PSD3: variants seen among roughly 807,000 people sequenced by gnomAD.
The protein encoded by PSD3 is pleckstrin and Sec7 domain containing 3.
A neutral mutation model predicts 105.5 loss-of-function variants in PSD3; 49 were observed. The observed-to-expected ratio is 0.46, with a 90% CI of 0.37 to 0.59. PSD3 has a LOEUF of 0.59. PSD3 is among the 20% of genes least tolerant of loss of function. The pLI is 0.00. For missense variants in PSD3, 1,561 were observed against 1,263.8 expected, an observed-to-expected ratio of 1.24 and a Z score of -3.57; for synonymous variants, 557 against 457.8, an observed-to-expected ratio of 1.22 and a Z score of -2.77.
chr8:18,925,639 T>C (rs577459445), intron 2 of PSD3, among the ~76,000 whole-genome samples: 6 of 152,166 alleles, frequency 3.9e-5, no homozygotes, highest in Middle Eastern at 3.4e-3. Flanking sequence ...GACAACATGA[T>C]GAAAATGTGT....
intron 9 of PSD3, among the ~76,000 whole-genome samples, chr8:18,663,780 T>C (rs1021034786): frequency 2.0e-5 from 3 of 152,234 alleles, no homozygotes; most frequent in African/African-American, 7.2e-5. Flanking sequence ...TATTGTGCTT[T>C]GCCTCACTGA....
intron 11 of PSD3, among the ~76,000 whole-genome samples, chr8:18,605,637 G>A (rs571009579): frequency 3.2e-4 from 48 of 152,196 alleles, no homozygotes; most frequent in Non-Finnish European, 4.6e-4. Context: ...GGCCTGGGGC[G>A]GAATGATATG....
intron 1 of PSD3, among the ~76,000 whole-genome samples, chr8:19,048,283 C>A (rs751259518): frequency 6.6e-6 from 1 of 152,046 alleles, no homozygotes; most frequent in Non-Finnish European, 1.5e-5. Flanking sequence ...GAGTCCTGGC[C>A]GACATATCAA....
At chr8:18,589,370 T>G (rs931022601) in intron 12 of PSD3, among the ~76,000 whole-genome samples, 1 of 152,180 alleles carries the variant, frequency 6.6e-6, no homozygotes, top group Non-Finnish European at 1.5e-5. Flanking sequence ...GCAAATCATT[T>G]ACTTTGTGAT....
At chr8:18,780,501 T>C (rs764910982) in intron 8 of PSD3, among the ~76,000 whole-genome samples, 2 of 152,176 alleles carry the variant, frequency 1.3e-5, no homozygotes, top group Non-Finnish European at 2.9e-5. Flanking sequence ...TCTCCTCTTA[T>C]CATTGTGGTT....
chr8:18,712,142 T>C (rs910417666), intron 9 of PSD3, among the ~76,000 whole-genome samples: 4 of 152,074 alleles, frequency 2.6e-5, no homozygotes, highest in Non-Finnish European at 5.9e-5. Context: ...GAGGGACATT[T>C]ACAGTACTAA....
At chr8:18,612,438 T>C (rs1173338569) in intron 11 of PSD3, among the ~76,000 whole-genome samples, 1 of 151,912 alleles carries the variant, frequency 6.6e-6, no homozygotes, top group African/African-American at 2.4e-5. Flanking sequence ...AGCGGCGTGA[T>C]CTCGGCTCAC....
intron 11 of PSD3, among the ~76,000 whole-genome samples, chr8:18,629,461 C>A (rs1308238193): frequency 6.6e-6 from 1 of 151,952 alleles, no homozygotes; most frequent in Non-Finnish European, 1.5e-5. Context: ...CCAGAATGCT[C>A]AGCTGGTGAA....
intron 2 of PSD3, among the ~76,000 whole-genome samples, chr8:18,894,879 T>C (rs1313620294): frequency 6.6e-6 from 1 of 152,222 alleles, no homozygotes; most frequent in East Asian, 1.9e-4. Context: ...AAGTATCTCA[T>C]GTTTTGAATG....
intron 1 of PSD3, among the ~76,000 whole-genome samples, chr8:18,967,037 A>T (rs1040059877): frequency 1.3e-5 from 2 of 152,188 alleles, no homozygotes; most frequent in African/African-American, 4.8e-5. Flanking sequence ...TGCCTGGTCC[A>T]AACCATTCCA....
At chr8:19,072,795 G>A (rs1829314164) in intron 1 of PSD3, among the ~76,000 whole-genome samples, 1 of 152,180 alleles carries the variant, frequency 6.6e-6, no homozygotes, top group African/African-American at 2.4e-5. Context: ...TCAATTCCAA[G>A]TTCTTTACAT....
intron 11 of PSD3, among the ~76,000 whole-genome samples, chr8:18,608,952 T>C (rs1805057299): frequency 6.6e-6 from 1 of 152,216 alleles, no homozygotes; most frequent in Admixed American, 6.5e-5. Flanking sequence ...CTTGTCCTGT[T>C]TTTTGACCAC....
chr8:19,073,831 C>A (rs1263501866), intron 1 of PSD3, among the ~76,000 whole-genome samples: 2 of 151,324 alleles, frequency 1.3e-5, no homozygotes, highest in African/African-American at 4.9e-5. Flanking sequence ...CGCTCTGTCG[C>A]CCAGGCTGGA....
chr8:19,076,536 C>T (rs1463587938), intron 1 of PSD3, among the ~76,000 whole-genome samples: 1 of 152,116 alleles, frequency 6.6e-6, no homozygotes, highest in Admixed American at 6.6e-5. Context: ...AGGGTACCAG[C>T]AAGCAATACT....
At chr8:18,925,141 T>G (rs1821282554) in intron 2 of PSD3, among the ~76,000 whole-genome samples, 1 of 152,012 alleles carries the variant, frequency 6.6e-6, no homozygotes, top group Non-Finnish European at 1.5e-5. Flanking sequence ...AACAGACAAA[T>G]AAGCCAATTA....
At chr8:18,756,544 C>CACAAAGGAA (rs11282701) in intron 9 of PSD3, among the ~76,000 whole-genome samples, 34,694 of 151,868 alleles carry the variant, frequency 0.23, 6,041 homozygotes, top group African/African-American at 0.46. Flanking sequence ...GATTTGGATT[C>CACAAAGGAA]AAAATGACGT....
Position 18,728,459 on chromosome 8 carries a change from G to A in PSD3, c.2172+36990C>T, listed in dbSNP as rs145506855. Among the ~76,000 whole-genome samples the A allele has an allele frequency of 1.6e-3, 245 of 152,310 alleles. 3 individuals carry two copies. Among genetic ancestry groups the A allele is most frequent in the Middle Eastern group, 6.8e-3 (2 of 294 alleles). On this transcript the variant is annotated intron_variant, in intron 9 of 15. Coordinates refer to ENST00000327040, the MANE Select transcript of PSD3 (RefSeq NM_015310.4). ...GGGACAGCTAACGGAAGACTTGAAG[G>A]GTGAGTATGAGTTACCCAGACAAAA...
Position 18,655,647 on chromosome 8 carries a change from C to G in PSD3, c.2211G>C (p.Trp737Cys). The G allele has an allele frequency of 6.2e-7, 1 of 1,613,764 alleles. No homozygotes were observed. Among genetic ancestry groups the G allele is most frequent in the South Asian group, 1.1e-5 (1 of 91,072 alleles). The change falls in exon 10 of 16, where the codon TGG (tryptophan) becomes TGC (cysteine). Residue 737 changes from tryptophan (W) to cysteine (C), a missense_variant. By Grantham distance (215) the Trp-to-Cys change is radical (BLOSUM62 -2). Coordinates refer to ENST00000327040, the MANE Select transcript of PSD3 (RefSeq NM_015310.4). ...CTGACGTCCAGCACACTTACACTGC[C>G]CATTCAAGCTTCTCATTCTTGATTG... ...YNSIKNEKLE[W>C]AVDDEEKKKS...
chr8:18,946,176 A>C (rs528986786), intron 1 of PSD3, among the ~76,000 whole-genome samples: 97 of 152,336 alleles, frequency 6.4e-4, no homozygotes, highest in Non-Finnish European at 1.2e-3. Context: ...CTATAATTAA[A>C]AATTTTTTAT....
Sources: allele counts gnomAD v4.1 joint callset (sites outside exome capture counted in the v4.1 genomes callset), GRCh38; gene constraint gnomAD v4.1.1; transcripts MANE v1.5; gene names NCBI Gene and HGNC (gene_info 2026-07-23, HGNC 2026-07-21).